CAPSL: variants seen among roughly 807,000 people sequenced by gnomAD.
The protein encoded by CAPSL is calcyphosine like, also known as calcyphosin-like protein.
A neutral mutation model predicts 21.3 loss-of-function variants in CAPSL; 17 were observed. The ratio of observed to expected loss-of-function variants is 0.80; its 90% CI spans 0.55 to 1.20. CAPSL has a LOEUF of 1.20. Ranked by LOEUF, CAPSL falls within the 50% of genes most tolerant of loss-of-function variation. CAPSL has a pLI of 0.00. For missense variants in CAPSL, 289 were observed against 259.3 expected (o/e 1.11, Z -0.79); for synonymous variants, 102 against 89.3 (o/e 1.14, Z -0.80).
At chr5:35,910,337 CA>C (rs1561435950) in intron 3 of CAPSL, 28 bp downstream of exon 3, 2 of 1,605,198 alleles carry the variant, frequency 1.2e-6, no homozygotes, top group Non-Finnish European at 1.7e-6. Context: ...CCAAACTCAG[CA>C]GATACACTGA....
intron 2 of CAPSL, among the ~76,000 whole-genome samples, chr5:35,912,542 T>C (rs1475776952): frequency 6.6e-6 from 1 of 152,212 alleles, no homozygotes; most frequent in Non-Finnish European, 1.5e-5. Flanking sequence ...CAGCAACATT[T>C]GCTGTTCACC....
At chr5:35,927,321 G>A (rs1017863133) in intron 1 of CAPSL, among the ~76,000 whole-genome samples, 3 of 152,180 alleles carry the variant, frequency 2.0e-5, no homozygotes, top group African/African-American at 7.2e-5. Flanking sequence ...ACCATGTCAT[G>A]ATTTTTAACA....
intron 1 of CAPSL, among the ~76,000 whole-genome samples, chr5:35,926,092 A>C (rs965640635): frequency 6.6e-6 from 1 of 151,914 alleles, no homozygotes; most frequent in Non-Finnish European, 1.5e-5. Flanking sequence ...AAAAAAAAAA[A>C]AACGAAAAAA....
At chr5:35,925,812 T>A (rs943737824) in intron 1 of CAPSL, among the ~76,000 whole-genome samples, 7 of 152,056 alleles carry the variant, frequency 4.6e-5, no homozygotes, top group Non-Finnish European at 1.0e-4. Flanking sequence ...CGCGGTGGCT[T>A]ACGCCTGTAA....
intron 1 of CAPSL, among the ~76,000 whole-genome samples, chr5:35,935,335 C>CT (rs113841969): frequency 0.14 from 19,720 of 145,572 alleles, 1,534 homozygotes; most frequent in Non-Finnish European, 0.19. Context: ...GTCCAAACTT[C>CT]TTTTTTTTTT....
chr5:35,910,601 A>G, intron 2 of CAPSL, 58 bp from the exon 3 acceptor site: 1 of 1,277,754 alleles, frequency 7.8e-7, no homozygotes, highest in Non-Finnish European at 1.1e-6. Flanking sequence ...GTGTAAGTGT[A>G]AAGATTAAAA....
chr5:35,909,558 G>A (rs944297837), intron 4 of CAPSL, among the ~76,000 whole-genome samples: 4 of 152,096 alleles, frequency 2.6e-5, no homozygotes, highest in African/African-American at 9.7e-5. Flanking sequence ...CCATAAAATG[G>A]CATGTTTAAT....
chr5:35,920,370 T>G lies in CAPSL; in HGVS notation c.137+614A>C, dbSNP rs79535479. ...CAATGCCTGGCCCATGGCAGGCTCT[T>G]GATGGAGTTTCTTATAATGCACAGG... On this transcript the variant is annotated intron_variant, in intron 2 of 4. Coordinates refer to ENST00000651391, the MANE Select transcript of CAPSL (RefSeq NM_001042625.2). 4.3e-4 allele frequency among the ~76,000 whole-genome samples: 65 copies of G among 152,286 alleles called. No homozygotes were observed. The East Asian group carries it at 0.012, about 28-fold the overall frequency.
rs201508660 is a variant in CAPSL at position 35,904,586 on chromosome 5, C to A, written c.586G>T (p.Val196Leu). Residue 196 changes from valine to leucine, a missense_variant, in exon 5 of 5, where the codon GTG becomes TTG. By Grantham distance (32) the Val-to-Leu change is conservative. Coordinates refer to ENST00000651391, the MANE Select transcript of CAPSL (RefSeq NM_001042625.2). ...GTTCTCATCATGATGATGAAGTACA[C>A]ATCAGTGTCAATGGATGCGCTCACA... ...AGVSASIDTD[V>L]YFIIMMRTAW... 280 of 1,613,818 alleles carry A rather than the reference C, an allele frequency of 1.7e-4. 2 individuals are homozygous for A. In the Admixed American group the frequency reaches 4.7e-3, roughly 27 times the overall value.
intron 1 of CAPSL, among the ~76,000 whole-genome samples, chr5:35,938,207 T>C (rs1054303278): frequency 6.6e-6 from 1 of 152,218 alleles, no homozygotes; most frequent in African/African-American, 2.4e-5. Flanking sequence ...TCAGGATCGT[T>C]AGAGCAATTC....
At chr5:35,922,221 A>G (rs1053602063) in intron 1 of CAPSL, among the ~76,000 whole-genome samples, 9 of 152,128 alleles carry the variant, frequency 5.9e-5, no homozygotes, top group African/African-American at 1.7e-4. Flanking sequence ...AACCTCGTCT[A>G]TGCCAAGAGT....
chr5:35,906,973 A>G (rs1199702639), intron 4 of CAPSL, among the ~76,000 whole-genome samples: 1 of 152,220 alleles, frequency 6.6e-6, no homozygotes, highest in Admixed American at 6.5e-5. Context: ...CTGAGACTCA[A>G]CTTATATTGG....
intron 1 of CAPSL, among the ~76,000 whole-genome samples, chr5:35,922,912 C>A (rs852249): frequency 0.59 from 89,677 of 151,878 alleles, 26,569 homozygotes; most frequent in South Asian, 0.66. Flanking sequence ...CTGTCTTACT[C>A]ATCCTTGCCT....
At chr5:35,908,659 G>A (rs1738100501) in intron 4 of CAPSL, among the ~76,000 whole-genome samples, 1 of 152,182 alleles carries the variant, frequency 6.6e-6, no homozygotes, top group East Asian at 1.9e-4. Context: ...AATACTGGAA[G>A]AAAACATGTA....
At position 35,913,447 on chromosome 5, in the gene CAPSL, C is replaced by A. The variant is rs189564615; in HGVS notation, c.138-2904G>T. On this transcript the variant is annotated intron_variant, in intron 2 of 4. Transcript: ENST00000651391. ...GGAAATAAGGAAAAAATGTTAAGGGCAGCCACAGAGAAAGGTCAGGTTACC... is the reference window on the plus strand; with the variant it reads ...GGAAATAAGGAAAAAATGTTAAGGGAAGCCACAGAGAAAGGTCAGGTTACC... 6.6e-5 allele frequency among the ~76,000 whole-genome samples: 10 copies of A among 152,262 alleles called. No individual in the cohort carries two copies. The East Asian group carries it at 1.4e-3, about 21-fold the overall frequency.
intron 2 of CAPSL, among the ~76,000 whole-genome samples, chr5:35,918,512 G>A (rs1403223456): frequency 2.0e-5 from 3 of 152,074 alleles, no homozygotes; most frequent in Admixed American, 2.0e-4. Context: ...ACCTAATGTA[G>A]ATGACAGGAT....
chr5:35,907,510 G>A lies in CAPSL; in HGVS notation c.525+2356C>T, dbSNP rs973561186. Among the ~76,000 whole-genome samples, 3 of 152,112 alleles carry A rather than the reference G, an allele frequency of 2.0e-5. No homozygotes were observed. In the East Asian group the frequency reaches 5.8e-4, roughly 29 times the overall value. ...GTGGTGGGGTTTAGTGATAGAAAAG[G>A]GGTAAGGAAAGTCTGTGTCACAGGT... On this transcript the variant is annotated intron_variant, in intron 4 of 4. Coordinates refer to ENST00000651391, the MANE Select transcript of CAPSL (RefSeq NM_001042625.2).
chr5:35,934,391 G>A (rs776335432), intron 1 of CAPSL, among the ~76,000 whole-genome samples: 4 of 152,078 alleles, frequency 2.6e-5, no homozygotes, highest in South Asian at 2.1e-4. Flanking sequence ...AACAGCAATC[G>A]TCACTGCTGA....
chr5:35,934,094 G>A (rs968455635), intron 1 of CAPSL, among the ~76,000 whole-genome samples: 6 of 152,172 alleles, frequency 3.9e-5, no homozygotes, highest in Admixed American at 2.6e-4. Flanking sequence ...TGTGAACCTT[G>A]ATATGTTTTC....
Sources: allele counts gnomAD v4.1 joint callset (sites outside exome capture counted in the v4.1 genomes callset), GRCh38; gene constraint gnomAD v4.1.1; transcripts MANE v1.5; gene names NCBI Gene and HGNC (gene_info 2026-07-23, HGNC 2026-07-21).